The following TET2 variants were observed in gnomAD, a reference collection of about 807,000 sequenced individuals.
The protein encoded by TET2 is tet methylcytosine dioxygenase 2.
A neutral mutation model predicts 142.9 loss-of-function variants in TET2; 299 were observed. The observed-to-expected ratio is 2.09, with a 90% CI of 1.90 to 2.30. The LOEUF (loss-of-function observed/expected upper bound fraction) is 2.30, where lower values mean the gene tolerates loss of function less well. Ranked by LOEUF, TET2 falls within the 30% of genes most tolerant of loss-of-function variation. TET2 has a pLI of 0.00. For missense variants in TET2, 2,418 were observed against 2,378.0 expected (o/e 1.02, Z -0.35); for synonymous variants, 819 against 849.0 (o/e 0.96, Z 0.61).
chr4:105,236,645 T>G lies in TET2; in HGVS notation c.2703T>G (p.Asn901Lys), dbSNP rs767877746. 6 of 1,614,018 alleles carry G rather than the reference T, an allele frequency of 3.7e-6. No homozygotes were observed. The East Asian group carries it at 1.3e-4, about 36-fold the overall frequency. ...CTTCAGTTCTACAGGGATATAAAAA[T>G]AGAAACCAAGATATGTCTGGTCAAC... ...QQASVLQGYKNRNQDMSGQQA... is the reference protein window; with the variant it reads ...QQASVLQGYKKRNQDMSGQQA... Residue 901 changes from asparagine to lysine, a missense_variant, in exon 3 of 11, where the codon AAT (asparagine) becomes AAG (lysine). By Grantham distance (94) the Asn-to-Lys change is moderately conservative (BLOSUM62 0). Coordinates refer to ENST00000380013, the MANE Select transcript of TET2 (RefSeq NM_001127208.3).
intron 1 of TET2, among the ~76,000 whole-genome samples, chr4:105,182,680 A>G (rs1010884516): frequency 2.6e-5 from 4 of 152,156 alleles, no homozygotes; most frequent in East Asian, 1.9e-4. Context: ...CCTTGTTTCA[A>G]TTTTTAGAAT....
At chr4:105,201,964 A>G (rs1267405730) in intron 2 of TET2, among the ~76,000 whole-genome samples, 1 of 151,826 alleles carries the variant, frequency 6.6e-6, no homozygotes, top group African/African-American at 2.4e-5. Flanking sequence ...GCTGTTCGCA[A>G]ACTCCTGGCC....
At chr4:105,204,203 A>C (rs1726657952) in intron 2 of TET2, among the ~76,000 whole-genome samples, 1 of 146,068 alleles carries the variant, frequency 6.8e-6, no homozygotes, top group Non-Finnish European at 1.5e-5. Context: ...GTCTCAAAAA[A>C]CAAAAACAAA....
intron 6 of TET2, among the ~76,000 whole-genome samples, chr4:105,252,396 C>T (rs946260934): frequency 6.6e-6 from 1 of 152,120 alleles, no homozygotes; most frequent in African/African-American, 2.4e-5. Context: ...TCTGGTTTAT[C>T]ACAGTTGATT....
rs752159166 is a variant in TET2 at position 105,235,778 on chromosome 4, T to G, written c.1836T>G (p.Pro612=). 1.9e-6 allele frequency: 3 copies of G among 1,614,054 alleles called. No homozygotes were observed. Among genetic ancestry groups the G allele is most frequent in the Non-Finnish European group, 2.5e-6 (3 of 1,180,002 alleles). ...AATACACTGGAAATTCCAACATGCC[T>G]GGGGGGCTCCCAAGGCAAGCTTACA... The part of the protein sequence containing the change: ...SKQYTGNSNM[P]GGLPRQAYTQ... The change falls in exon 3 of 11, where the codon CCT becomes CCG. Residue 612 remains proline (P), a synonymous_variant. Transcript: ENST00000380013.
Position 105,235,457 on chromosome 4 carries a change from A to G in TET2, c.1515A>G (p.Thr505=). 6.2e-7 allele frequency: 1 copy of G among 1,614,162 alleles called. No homozygotes were observed. Among genetic ancestry groups the G allele is most frequent in the Non-Finnish European group, 8.5e-7 (1 of 1,180,004 alleles). Residue 505 remains threonine, a synonymous_variant, in exon 3 of 11, where the codon ACA becomes ACG. Coordinates refer to ENST00000380013, the MANE Select transcript of TET2 (RefSeq NM_001127208.3). ...CTGTTCCATTGTGTTCTGAGAAAAC[A>G]AGACCAATGTCAGAACACCTCAAGC... ...TMTVPLCSEK[T]RPMSEHLKHN...
At chr4:105,237,448 G>T (rs1729024270) in intron 3 of TET2, 97 bp downstream of exon 3, 2 of 1,613,014 alleles carry the variant, frequency 1.2e-6, no homozygotes, top group Non-Finnish European at 1.7e-6. Context: ...TAAATCTTGA[G>T]TCTGGCAGCA....
chr4:105,227,811 T>TA (rs531939568), intron 2 of TET2, among the ~76,000 whole-genome samples: 78 of 152,206 alleles, frequency 5.1e-4, no homozygotes, highest in South Asian at 1.0e-3. Flanking sequence ...TTTAAATTCA[T>TA]AAAAAAAATT....
At chr4:105,268,512 GT>G (rs1730800735) in intron 8 of TET2, among the ~76,000 whole-genome samples, 1 of 152,168 alleles carries the variant, frequency 6.6e-6, no homozygotes, top group Non-Finnish European at 1.5e-5. Flanking sequence ...ACCCCAGCAG[GT>G]TTTTTGAAAG....
chr4:105,203,598 G>A (rs1178616330), intron 2 of TET2, among the ~76,000 whole-genome samples: 4 of 151,440 alleles, frequency 2.6e-5, no homozygotes, highest in Non-Finnish European at 5.9e-5. Flanking sequence ...GCCTGGCTTT[G>A]TATACAATAC....
chr4:105,236,391 TC>T lies in TET2; in HGVS notation c.2453del (p.Pro818LeufsTer6), dbSNP rs943361386. The T allele has an allele frequency of 1.9e-6, 3 of 1,613,838 alleles. No individual in the cohort carries two copies. Among genetic ancestry groups the T allele is most frequent in the Non-Finnish European group, 2.5e-6 (3 of 1,180,004 alleles). ...AGTACAGAATATAAATCGTAGAAAT[TC>T]CCCTTATAGTCAGACCATGAAATCA... The part of the protein sequence containing the change: ...EEVQNINRRN[S>X]PYSQTMKSSA... On this transcript the variant is annotated frameshift_variant, in exon 3 of 11. Coordinates refer to ENST00000380013, the MANE Select transcript of TET2 (RefSeq NM_001127208.3). LOFTEE classifies it high-confidence loss of function.
intron 2 of TET2, among the ~76,000 whole-genome samples, chr4:105,203,612 A>T (rs1264844202): frequency 1.3e-5 from 2 of 151,708 alleles, no homozygotes; most frequent in African/African-American, 4.9e-5. Context: ...ACAATACATT[A>T]CGTTTTGTAT....
intron 1 of TET2, among the ~76,000 whole-genome samples, chr4:105,181,182 A>G (rs1005738995): frequency 6.6e-6 from 1 of 152,018 alleles, no homozygotes; most frequent in Non-Finnish European, 1.5e-5. Context: ...GCTACGATCT[A>G]TATACTCCTT....
chr4:105,185,170 GT>G lies in TET2; in HGVS notation c.-192-5179del, dbSNP rs545932975. Among the ~76,000 whole-genome samples the G allele has an allele frequency of 9.6e-4, 142 of 147,668 alleles. 1 individual carries two copies. In the East Asian group the frequency reaches 0.015, roughly 16 times the overall value. On this transcript the variant is annotated intron_variant, in intron 1 of 10. Transcript: ENST00000380013. ...AGAGTGACTGGTTTTTAGAGAAGAG[GT>G]TTTTTTTTTTCCTTCATTTTTGAAC...
chr4:105,203,898 T>C (rs1011100129), intron 2 of TET2, among the ~76,000 whole-genome samples: 1 of 152,130 alleles, frequency 6.6e-6, no homozygotes, highest in Non-Finnish European at 1.5e-5. Flanking sequence ...AAGGATGTTA[T>C]GTATAATCTA....
chr4:105,246,251 A>G (rs567513333), intron 6 of TET2, among the ~76,000 whole-genome samples: 1 of 148,560 alleles, frequency 6.7e-6, no homozygotes, highest in South Asian at 2.1e-4. Context: ...ATAAATGCCA[A>G]TGCCTGAAAT....
At chr4:105,201,659 A>G (rs1040766563) in intron 2 of TET2, among the ~76,000 whole-genome samples, 2 of 150,198 alleles carry the variant, frequency 1.3e-5, no homozygotes, top group African/African-American at 4.9e-5. Context: ...AAGGTTACCA[A>G]GTTGAGGCTA....
In TET2 at chr4:105,190,348, T is replaced by G; in HGVS notation, c.-192-12T>G. On this transcript the variant is annotated splice_polypyrimidine_tract_variant and intron_variant, in intron 1 of 10. Coordinates refer to ENST00000380013, the MANE Select transcript of TET2 (RefSeq NM_001127208.3). ...TGCTAACTTAAAAATGTTCAAACTC[T>G]GTCTTCTCTAGGCTGGCAAACATTC... is the stretch of plus-strand genomic sequence containing the variant. The G allele has an allele frequency of 1.6e-6, 1 of 644,914 alleles. No homozygotes were observed. Among genetic ancestry groups the G allele is most frequent in the South Asian group, 1.8e-5 (1 of 57,072 alleles). The allele number at this position is 644,914 out of a possible 1,614,324, so 39.9% of individuals were successfully genotyped here.
At chr4:105,250,829 GC>G (rs1209967570) in intron 6 of TET2, among the ~76,000 whole-genome samples, 5 of 151,986 alleles carry the variant, frequency 3.3e-5, no homozygotes, top group African/African-American at 1.2e-4. Flanking sequence ...ACAGGTGCGC[GC>G]CACCATGCCT....
Sources: allele counts gnomAD v4.1 joint callset (sites outside exome capture counted in the v4.1 genomes callset), GRCh38; gene constraint gnomAD v4.1.1; transcripts MANE v1.5; gene names NCBI Gene and HGNC (gene_info 2026-07-23, HGNC 2026-07-21).